The following PRKG1 variants were observed in gnomAD, a reference collection of about 807,000 sequenced individuals.
The protein encoded by PRKG1 is protein kinase cGMP-dependent 1, also known as cGMP-dependent protein kinase 1.
PRKG1 carries 35 observed loss-of-function variants against 88.1 expected under a neutral mutation model. The ratio of observed to expected loss-of-function variants is 0.40; its 90% confidence interval spans 0.30 to 0.53. PRKG1 has a LOEUF of 0.53. PRKG1 is among the 20% of genes least tolerant of loss of function. The pLI is 0.59. For synonymous variants in PRKG1, 303 were observed against 292.5 expected, an observed-to-expected ratio of 1.04 and a Z score of -0.37; for missense variants, 540 against 839.8, an observed-to-expected ratio of 0.64 and a Z score of 4.41.
At position 52,137,671 on chromosome 10, in the gene PRKG1, A is replaced by T. The variant is rs147169675; in HGVS notation, c.1001+3766A>T. Reference sequence around the variant, plus strand: ...CAATACCTAATAAAATCTAAATGCTATGTAAAAACTTGTTATACTATATTG... The same window carrying T: ...CAATACCTAATAAAATCTAAATGCTTTGTAAAAACTTGTTATACTATATTG... On this transcript the variant is annotated intron_variant, in intron 8 of 17. Coordinates refer to ENST00000373980, the MANE Select transcript of PRKG1 (RefSeq NM_006258.4). Among the ~76,000 whole-genome samples, 653 of 152,230 alleles carry T rather than the reference A, an allele frequency of 4.3e-3. 3 individuals are homozygous for T. The highest frequency in any genetic ancestry group is 8.7e-3 in the South Asian group (42 of 4,830).
chr10:51,898,606 G>A (rs1216836225), intron 4 of PRKG1, among the ~76,000 whole-genome samples: 1 of 152,104 alleles, frequency 6.6e-6, no homozygotes, highest in Non-Finnish European at 1.5e-5. Context: ...AGGCAAAGGA[G>A]GGAGGATCAC....
intron 3 of PRKG1, among the ~76,000 whole-genome samples, chr10:51,714,101 T>A (rs1271780329): frequency 1.3e-5 from 2 of 152,170 alleles, no homozygotes; most frequent in African/African-American, 4.8e-5. Flanking sequence ...TGCCTCAGCC[T>A]CCCGAGTAGC....
At chr10:51,573,108 A>G (rs1247394668) in intron 3 of PRKG1, among the ~76,000 whole-genome samples, 1 of 151,824 alleles carries the variant, frequency 6.6e-6, no homozygotes, top group Non-Finnish European at 1.5e-5. Context: ...GCCTCATACT[A>G]TTTAGAAATA....
chr10:51,793,690 C>T (rs962332941), intron 3 of PRKG1, among the ~76,000 whole-genome samples: 12 of 152,126 alleles, frequency 7.9e-5, no homozygotes, highest in Non-Finnish European at 1.3e-4. Flanking sequence ...CAGCAGACTT[C>T]TCAGCAGAAA....
intron 2 of PRKG1, among the ~76,000 whole-genome samples, chr10:51,288,645 C>T (rs1794529702): frequency 6.6e-6 from 1 of 152,050 alleles, no homozygotes; most frequent in African/African-American, 2.4e-5. Context: ...TATTTGACCA[C>T]AAAATATTTA....
At chr10:51,930,532 T>C (rs1245661352) in intron 5 of PRKG1, among the ~76,000 whole-genome samples, 6 of 141,760 alleles carry the variant, frequency 4.2e-5, no homozygotes, top group Non-Finnish European at 9.1e-5. Flanking sequence ...AGAGTCTCGT[T>C]CAGGTTACAG....
chr10:52,149,808 A>T (rs1837851075), intron 8 of PRKG1, among the ~76,000 whole-genome samples: 1 of 149,914 alleles, frequency 6.7e-6, no homozygotes, highest in African/African-American at 2.5e-5. Context: ...TACACATAAT[A>T]CAATAGGAGA....
intron 5 of PRKG1, among the ~76,000 whole-genome samples, chr10:52,044,904 C>T (rs906834663): frequency 6.6e-6 from 1 of 152,084 alleles, no homozygotes; most frequent in Non-Finnish European, 1.5e-5. Flanking sequence ...CCGTTATTTC[C>T]TTTAAGAAGC....
chr10:51,602,730 A>ATGTGTGTGTGTG (rs1275713886), intron 3 of PRKG1, among the ~76,000 whole-genome samples: 11 of 41,812 alleles, frequency 2.6e-4, no homozygotes, highest in Admixed American at 8.8e-4. Flanking sequence ...TGATTAATAT[A>ATGTGTGTGTGTG]TATGTGTGTG....
At chr10:51,282,148 A>C (rs1840317535) in intron 2 of PRKG1, among the ~76,000 whole-genome samples, 1 of 152,142 alleles carries the variant, frequency 6.6e-6, no homozygotes. Flanking sequence ...TTGGAGGACA[A>C]AGAGAGTAAA....
chr10:51,281,211 G>A (rs12251848), intron 2 of PRKG1, among the ~76,000 whole-genome samples: 2,677 of 152,256 alleles, frequency 0.018, 78 homozygotes, highest in African/African-American at 0.06. Context: ...CTGCCTGATC[G>A]TTCCTCTGGA....
chr10:51,397,207 T>C (rs542057691), intron 2 of PRKG1, among the ~76,000 whole-genome samples: 27 of 151,828 alleles, frequency 1.8e-4, no homozygotes, highest in African/African-American at 6.0e-4. Context: ...GTCTGGGCTC[T>C]GATGTGTAAG....
At chr10:51,054,920 A>G (rs772461526) in intron 1 of PRKG1, among the ~76,000 whole-genome samples, 2 of 152,204 alleles carry the variant, frequency 1.3e-5, no homozygotes, top group Non-Finnish European at 2.9e-5. Context: ...ACTTAGCACA[A>G]TCTTCACACT....
At chr10:51,796,040 T>C (rs764212906) in intron 3 of PRKG1, among the ~76,000 whole-genome samples, 1 of 152,112 alleles carries the variant, frequency 6.6e-6, no homozygotes, top group Non-Finnish European at 1.5e-5. Flanking sequence ...TCTCTCCTAA[T>C]AGAGATTATG....
chr10:51,915,494 G>A (rs997149223), intron 5 of PRKG1, among the ~76,000 whole-genome samples: 1 of 151,982 alleles, frequency 6.6e-6, no homozygotes, highest in Admixed American at 6.6e-5. Context: ...CTTCCCTTTT[G>A]GGGAGCAAAT....
intron 3 of PRKG1, among the ~76,000 whole-genome samples, chr10:51,541,943 A>G (rs944591670): frequency 2.0e-5 from 3 of 152,088 alleles, no homozygotes; most frequent in Non-Finnish European, 4.4e-5. Flanking sequence ...AATTCTTTTC[A>G]TGGTAAAGAT....
chr10:52,088,386 A>G (rs1037916631), intron 7 of PRKG1, among the ~76,000 whole-genome samples: 1 of 151,456 alleles, frequency 6.6e-6, no homozygotes, highest in Non-Finnish European at 1.5e-5. Flanking sequence ...TATATATTCA[A>G]TTTAACTTAG....
At chr10:51,015,140 A>G (rs1321083110) in intron 1 of PRKG1, among the ~76,000 whole-genome samples, 1 of 152,222 alleles carries the variant, frequency 6.6e-6, no homozygotes, top group Admixed American at 6.5e-5. Flanking sequence ...AAATGAGAAA[A>G]TACTTTGATT....
At chr10:51,648,178 A>C (rs931629958) in intron 3 of PRKG1, among the ~76,000 whole-genome samples, 4 of 152,120 alleles carry the variant, frequency 2.6e-5, no homozygotes, top group African/African-American at 9.7e-5. Context: ...ACAAGGCCTA[A>C]TTTCAGAAAC....
Sources: allele counts gnomAD v4.1 joint callset (sites outside exome capture counted in the v4.1 genomes callset), GRCh38; gene constraint gnomAD v4.1.1; transcripts MANE v1.5; gene names NCBI Gene and HGNC (gene_info 2026-07-23, HGNC 2026-07-21).